Variants in YIPF3 observed in about 807,000 individuals in gnomAD.
The protein encoded by YIPF3 is protein YIPF3.
YIPF3 carries 18 observed loss-of-function variants against 40.3 expected under a neutral mutation model. The observed-to-expected ratio is 0.45, with a 90% CI of 0.31 to 0.66. The LOEUF (loss-of-function observed/expected upper bound fraction) is 0.66, where lower values mean the gene tolerates loss of function less well. YIPF3 is among the 30% of genes least tolerant of loss of function. The probability of loss-of-function intolerance (pLI) is 0.07; values close to 1 mark genes in which losing one functional copy is unlikely to be tolerated. For missense variants in YIPF3, 406 were observed against 452.2 expected, an observed-to-expected ratio of 0.90 and a Z score of 0.93; for synonymous variants, 190 against 179.6, an observed-to-expected ratio of 1.06 and a Z score of -0.46.
At chr6:43,515,372 C>T in intron 3 of YIPF3, 3 of 640,736 alleles carry the variant, frequency 4.7e-6, no homozygotes, top group Non-Finnish European at 8.7e-6. Context: ...GAGGAAGTGA[C>T]ATCTGAGGTA....
chr6:43,513,671 C>G, intron 3 of YIPF3, 38 bp from the exon 4 acceptor site: 1 of 1,521,434 alleles, frequency 6.6e-7, no homozygotes, highest in Non-Finnish European at 8.8e-7. Flanking sequence ...AAAGGCAGCA[C>G]AAGGCCATGA....
rs751641737 is a variant in YIPF3 at position 43,512,480 on chromosome 6, G to A, written c.864C>T (p.Phe288=). The change falls in exon 8 of 9, where the codon TTC becomes TTT. Residue 288 remains phenylalanine (F), a synonymous_variant. Coordinates refer to ENST00000372422, the MANE Select transcript of YIPF3 (RefSeq NM_015388.4). ...CGTLAALHML[F]LLYLHFAYHK... is the part of the protein sequence containing the mutation. ...GGTAGGCAAAATGCAGATAGAGCAG[G>A]AAGAGCATGTGTAGGGCAGCCAGGG... 8 of 1,613,974 alleles carry A rather than the reference G, an allele frequency of 5.0e-6. No homozygotes were observed. The highest frequency in any genetic ancestry group is 1.7e-5 in the Admixed American group (1 of 60,004).
intron 3 of YIPF3, chr6:43,515,341 G>A (rs1792774173): frequency 1.7e-6 from 1 of 581,508 alleles, no homozygotes; most frequent in Non-Finnish European, 3.2e-6. Flanking sequence ...AACTGGGGAT[G>A]GGATTGAGGA....
At position 43,513,135 on chromosome 6, in the gene YIPF3, G is replaced by A; in HGVS notation, c.600C>T (p.Ser200=). ...ACAGGTAGGCAAGGAAGTAAATGAA[G>A]GATGAGACTCCCAGCCAGTAGCCGA... ...TCFGYWLGVS[S]FIYFLAYLCN... is the part of the protein sequence containing the mutation. Residue 200 remains serine (S), a synonymous_variant, in exon 6 of 9, where the codon TCC becomes TCT. Transcript: ENST00000372422. 5 of 1,614,194 alleles carry A rather than the reference G, an allele frequency of 3.1e-6. No individual in the cohort carries two copies. The highest frequency in any genetic ancestry group is 1.3e-5 in the African/African-American group (1 of 75,056).
chr6:43,516,377 T>C, intron 1 of YIPF3: 1 of 704,158 alleles, frequency 1.4e-6, no homozygotes. Flanking sequence ...CATTTCCTTC[T>C]TTCCTAAGCC....
Position 43,515,672 on chromosome 6 carries a change from G to A in YIPF3, c.318C>T (p.Ser106=), listed in dbSNP as rs1792795444. Residue 106 remains serine, a synonymous_variant, in exon 3 of 9, where the codon TCC becomes TCT. Transcript: ENST00000372422. The part of the protein sequence containing the change: ...QMWQAGKRQA[S]RAFSLYANID... ...TGTTGGCGTACAAGCTGAAGGCCCT[G>A]GAGGCTTGTCTTTTCCCAGCCTGCC... is the stretch of plus-strand genomic sequence containing the variant. 5 of 1,614,100 alleles carry A rather than the reference G, an allele frequency of 3.1e-6. No homozygotes were observed. The highest frequency in any genetic ancestry group is 4.2e-6 in the Non-Finnish European group (5 of 1,180,046).
At chr6:43,514,454 T>C (rs1316885895) in intron 3 of YIPF3, among the ~76,000 whole-genome samples, 2 of 152,234 alleles carry the variant, frequency 1.3e-5, no homozygotes, top group Admixed American at 1.3e-4. Flanking sequence ...GAAAAATATA[T>C]GTGAAGTGGT....
chr6:43,512,273 T>G lies in YIPF3; in HGVS notation c.947A>C (p.Gln316Pro), dbSNP rs1792686545. Residue 316 changes from glutamine to proline, a missense_variant, in exon 9 of 9, where the codon CAG (glutamine) becomes CCG (proline). Physicochemically the swap from Gln to Pro is moderately conservative, Grantham distance 76. Transcript: ENST00000372422. Reference protein sequence around the residue: ...TLEGPNIPPIQRVPRDIPAML... With the variant: ...TLEGPNIPPIPRVPRDIPAML... ...GGCAGGGATGTCTCTGGGGACCCTC[T>G]GGATGGGCGGGATGTTGGGGCCCTC... 1.2e-6 allele frequency: 2 copies of G among 1,612,228 alleles called. No homozygotes were observed. Among genetic ancestry groups the G allele is most frequent in the African/African-American group, 2.7e-5 (2 of 74,914 alleles).
chr6:43,513,968 G>A lies in YIPF3; in HGVS notation c.396-335C>T, dbSNP rs992023937. 4 of 212,630 alleles carry A rather than the reference G, an allele frequency of 1.9e-5. No homozygotes were observed. In the Admixed American group the frequency reaches 2.1e-4, roughly 11 times the overall value. The allele number at this position is 212,630 out of a possible 1,614,324, so 13.2% of individuals were successfully genotyped here. On this transcript the variant is annotated intron_variant, in intron 3 of 8. Transcript: ENST00000372422. ...CCTTGAAAAGACAGGCAGGCTGGGC[G>A]CGGTGGCTCACGCCTGTAATCCCAG...
intron 6 of YIPF3, 70 bp from the exon 7 acceptor site, chr6:43,512,944 T>C: frequency 6.3e-7 from 1 of 1,593,578 alleles, no homozygotes; most frequent in Admixed American, 1.7e-5. Context: ...ATGGGGACCC[T>C]GGGAAACACA....
At chr6:43,516,182 C>T in intron 1 of YIPF3, 87 bp from the exon 2 acceptor site, 1 of 1,567,450 alleles carries the variant, frequency 6.4e-7, no homozygotes. Context: ...GGGCTTTGTT[C>T]TTCCACTGCT....
In YIPF3 at chr6:43,515,614, G is replaced by A; in HGVS notation, c.376C>T (p.Pro126Ser). The A allele has an allele frequency of 1.9e-6, 3 of 1,613,546 alleles. No individual in the cohort carries two copies. Among genetic ancestry groups the A allele is most frequent in the Non-Finnish European group, 2.5e-6 (3 of 1,180,028 alleles). ...CCTCACCTGCTTCGCACCTGAGCAG[G>A]CTCCACATCAAAGTAGGGTCTGAGG... ...DILRPYFDVE[P>S]AQVRSRLLES... The change falls in exon 3 of 9, where the codon CCT (proline) becomes TCT (serine). Residue 126 changes from proline (P) to serine (S), a missense_variant. Coordinates refer to ENST00000372422, the MANE Select transcript of YIPF3 (RefSeq NM_015388.4).
chr6:43,515,297 G>A (rs1227921009), intron 3 of YIPF3: 1 of 505,310 alleles, frequency 2.0e-6, no homozygotes, highest in Middle Eastern at 3.0e-4. Context: ...CGGCTGGCAA[G>A]CACAGAGTTC....
chr6:43,513,861 G>A (rs1792719963), intron 3 of YIPF3: 1 of 453,130 alleles, frequency 2.2e-6, no homozygotes, highest in East Asian at 3.3e-5. Context: ...AAACTTAGCT[G>A]ACTGAAACAG....
At position 43,516,275 on chromosome 6, in the gene YIPF3, G is replaced by A. The variant is rs554537154; in HGVS notation, c.82-180C>T. The A allele has an allele frequency of 8.5e-5, 117 of 1,378,918 alleles. 1 individual carries two copies. The African/African-American group carries it at 1.6e-3, about 19-fold the overall frequency. 85.4% of individuals were successfully genotyped at this position (1,378,918 alleles called of 1,614,324 possible). A position where few individuals can be genotyped will look rare whatever the true frequency, so the allele number is the denominator to read the frequency against. Reference sequence around the variant, plus strand: ...TCAGAACGCCTGGTTTCTAGCTTTGGCTATCTTTTCTAGCCTGGGAAACCT... The same window carrying A: ...TCAGAACGCCTGGTTTCTAGCTTTGACTATCTTTTCTAGCCTGGGAAACCT... On this transcript the variant is annotated intron_variant, in intron 1 of 8. Coordinates refer to ENST00000372422, the MANE Select transcript of YIPF3 (RefSeq NM_015388.4).
At position 43,511,987 on chromosome 6, in the gene YIPF3, A is replaced by ATCCT. The variant is rs1792677496; in HGVS notation, c.*179_*180insAGGA. On this transcript the variant is annotated 3_prime_UTR_variant, in exon 9 of 9. Coordinates refer to ENST00000372422, the MANE Select transcript of YIPF3 (RefSeq NM_015388.4). Reference sequence around the variant, plus strand: ...GCAGAGCCTTGCAGTCCTGGCCAGGAGTTCTTGGCCTTGTGCCTTTCAGAA... The same window carrying ATCCT: ...GCAGAGCCTTGCAGTCCTGGCCAGGATCCTGTTCTTGGCCTTGTGCCTTTCAGAA... 1.0e-6 allele frequency: 1 copy of ATCCT among 978,218 alleles called. No homozygotes were observed. Among genetic ancestry groups the ATCCT allele is most frequent in the African/African-American group, 1.6e-5 (1 of 60,980 alleles). 60.6% of individuals were successfully genotyped at this position (978,218 alleles called of 1,614,324 possible).
rs771012419 is a variant in YIPF3 at position 43,515,580 on chromosome 6, G to C, written c.395+15C>G. 1 of 1,612,996 alleles carries C rather than the reference G, an allele frequency of 6.2e-7. No individual in the cohort carries two copies. The highest frequency in any genetic ancestry group is 8.5e-7 in the Non-Finnish European group (1 of 1,179,896). ...GGTGTTAGGAGGGAAGCTTCTTCAAGAGAAGGCTCCTCACCTGCTTCGCAC... is the reference window on the plus strand; with the variant it reads ...GGTGTTAGGAGGGAAGCTTCTTCAACAGAAGGCTCCTCACCTGCTTCGCAC... On this transcript the variant is annotated intron_variant, in intron 3 of 8. Transcript: ENST00000372422.
rs1005030455 is a variant in YIPF3, at chr6:43,513,757, G to C, written c.396-124C>G. On this transcript the variant is annotated intron_variant, in intron 3 of 8. Transcript: ENST00000372422. ...GGGGCCTGGCCTAGAAGACATGTTG[G>C]ATGACACGGTAGAACAGGGTAGTAA... 17 of 921,202 alleles carry C rather than the reference G, an allele frequency of 1.8e-5. No individual in the cohort carries two copies. The African/African-American group carries it at 2.2e-4, about 12-fold the overall frequency. 57.1% of individuals were successfully genotyped at this position (921,202 alleles called of 1,614,324 possible).
In YIPF3 at chr6:43,516,003, G is replaced by A. The variant is rs1402527840; in HGVS notation, c.174C>T (p.Arg58=). 9.3e-6 allele frequency: 15 copies of A among 1,614,068 alleles called. No homozygotes were observed. The highest frequency in any genetic ancestry group is 2.2e-5 in the South Asian group (2 of 91,092). The part of the protein sequence containing the change: ...EDMGELHQRL[R]EEEVDADAAD... Reference sequence around the variant, plus strand: ...CTGCATCAGCGTCTACTTCTTCCTCGCGCAGGCGCTGATGCAGCTCACCCA... The same window carrying A: ...CTGCATCAGCGTCTACTTCTTCCTCACGCAGGCGCTGATGCAGCTCACCCA... The change falls in exon 2 of 9, where the codon CGC becomes CGT. Residue 58 remains arginine (R), a synonymous_variant. Coordinates refer to ENST00000372422, the MANE Select transcript of YIPF3 (RefSeq NM_015388.4).
Sources: gnomAD v4.1 joint callset for allele counts (sites outside exome capture counted in the v4.1 genomes callset) on GRCh38, gnomAD v4.1.1 for gene constraint, MANE v1.5 for transcripts, NCBI Gene and HGNC (gene_info 2026-07-23, HGNC 2026-07-21) for gene names.